TMX4: variants seen among roughly 807,000 people sequenced by gnomAD.
The protein encoded by TMX4 is thioredoxin related transmembrane protein 4, also known as thioredoxin-related transmembrane protein 4.
A neutral mutation model predicts 33.3 loss-of-function variants in TMX4; 23 were observed. That is an observed-to-expected ratio of 0.69 (90% CI 0.50 to 0.98). The LOEUF (loss-of-function observed/expected upper bound fraction) is 0.98. Ranked by LOEUF, TMX4 falls within the 50% of genes least tolerant of loss-of-function variation. The pLI is 0.00. For missense variants in TMX4, 399 were observed against 448.9 expected, an observed-to-expected ratio of 0.89 and a Z score of 1.01; for synonymous variants, 164 against 161.5, an observed-to-expected ratio of 1.02 and a Z score of -0.12.
At position 7,987,402 on chromosome 20, in the gene TMX4, G is replaced by GA. The variant is rs776081385; in HGVS notation, c.514-14dup. The GA allele has an allele frequency of 9.0e-4, 1,396 of 1,544,686 alleles. No individual in the cohort carries two copies. The highest frequency in any genetic ancestry group is 9.3e-4 in the Non-Finnish European group (1,073 of 1,151,756). On this transcript the variant is annotated splice_polypyrimidine_tract_variant and intron_variant, in intron 5 of 7. Coordinates refer to ENST00000246024, the MANE Select transcript of TMX4 (RefSeq NM_021156.4). Reference sequence around the variant, plus strand: ...AGTTGTGAAGATGCTGGAATCAGAAGAAAAAAAATAAAACATTAATTTTTA... The same window carrying GA: ...AGTTGTGAAGATGCTGGAATCAGAAGAAAAAAAAATAAAACATTAATTTTTA...
chr20:8,003,585 G>A (rs1323476895), intron 2 of TMX4, among the ~76,000 whole-genome samples: 1 of 152,078 alleles, frequency 6.6e-6, no homozygotes, highest in Non-Finnish European at 1.5e-5. Flanking sequence ...TTTAGAAATT[G>A]CACCTCATTT....
At chr20:7,990,225 GC>G (rs1359506681) in intron 5 of TMX4, among the ~76,000 whole-genome samples, 1 of 151,862 alleles carries the variant, frequency 6.6e-6, no homozygotes, top group Non-Finnish European at 1.5e-5. Flanking sequence ...AACACGGTAG[GC>G]GGAGGTTGCA....
chr20:7,982,108 T>C lies in TMX4; in HGVS notation c.*143A>G. 2.4e-6 allele frequency: 2 copies of C among 816,846 alleles called. No homozygotes were observed. Among genetic ancestry groups the C allele is most frequent in the Non-Finnish European group, 3.7e-6 (2 of 533,532 alleles). The allele number at this position is 816,846 out of a possible 1,614,324, so 50.6% of individuals were successfully genotyped here. ...TCTCCTTAGTATACATGAGGCTTAC[T>C]GCCATGAGACCAAATGACTAGAGAG... On this transcript the variant is annotated 3_prime_UTR_variant, in exon 8 of 8. Transcript: ENST00000246024.
chr20:7,986,143 C>T (rs1396359694), intron 6 of TMX4, among the ~76,000 whole-genome samples: 2 of 152,082 alleles, frequency 1.3e-5, no homozygotes, highest in East Asian at 3.9e-4. Flanking sequence ...GTGTCAAATC[C>T]CTTTAGACGG....
intron 5 of TMX4, among the ~76,000 whole-genome samples, chr20:7,991,559 T>C (rs1384821742): frequency 2.0e-5 from 3 of 152,160 alleles, no homozygotes. Context: ...TTATGGAGCA[T>C]TTTGGATTTT....
intron 5 of TMX4, among the ~76,000 whole-genome samples, chr20:7,991,526 G>A (rs537048699): frequency 4.6e-5 from 7 of 152,232 alleles, no homozygotes; most frequent in East Asian, 1.9e-4. Flanking sequence ...TAAGTGTCAC[G>A]TTGGTGCTCA....
At chr20:7,983,758 A>G (rs779007214) in intron 7 of TMX4, 36 bp downstream of exon 7, 2 of 1,596,328 alleles carry the variant, frequency 1.3e-6, no homozygotes, top group Non-Finnish European at 1.7e-6. Flanking sequence ...CAGAATTCCA[A>G]AAACACTCTA....
chr20:7,986,311 T>C (rs1247696834), intron 6 of TMX4, among the ~76,000 whole-genome samples: 1 of 152,210 alleles, frequency 6.6e-6, no homozygotes, highest in East Asian at 1.9e-4. Flanking sequence ...CCATGATATG[T>C]ATTAAGCATG....
At chr20:7,990,021 G>A (rs979483139) in intron 5 of TMX4, among the ~76,000 whole-genome samples, 1 of 152,112 alleles carries the variant, frequency 6.6e-6, no homozygotes, top group African/African-American at 2.4e-5. Context: ...CTCGGGCTGG[G>A]CGCGGTGGCT....
Position 7,981,574 on chromosome 20 carries a change from G to A in TMX4, c.*677C>T, listed in dbSNP as rs930364041. The A allele has an allele frequency of 6.6e-6, 1 of 152,194 alleles. No individual in the cohort carries two copies. Among genetic ancestry groups the A allele is most frequent in the African/African-American group, 2.4e-5 (1 of 41,444 alleles). 9.4% of individuals were successfully genotyped at this position (152,194 alleles called of 1,614,324 possible). A position where few individuals can be genotyped will look rare whatever the true frequency, so the allele number is the denominator to read the frequency against. On this transcript the variant is annotated 3_prime_UTR_variant, in exon 8 of 8. Transcript: ENST00000246024. ...CCTTAGGTCAGAATGAACAAACACA[G>A]TTCATGTAAACCTGGCTGTTATTGG...
intron 4 of TMX4, among the ~76,000 whole-genome samples, chr20:7,998,070 G>A (rs545627112): frequency 1.3e-5 from 2 of 152,024 alleles, no homozygotes; most frequent in Non-Finnish European, 2.9e-5. Context: ...GTTTCCTGAA[G>A]CCTCCCCAGA....
At chr20:7,984,310 GC>G (rs775555541) in intron 6 of TMX4, among the ~76,000 whole-genome samples, 20 of 152,176 alleles carry the variant, frequency 1.3e-4, no homozygotes, top group Non-Finnish European at 2.4e-4. Flanking sequence ...GGCATTTAAT[GC>G]CCTGGGCAGT....
chr20:7,991,732 A>AT (rs970628954), intron 5 of TMX4, among the ~76,000 whole-genome samples: 1 of 152,194 alleles, frequency 6.6e-6, no homozygotes, highest in African/African-American at 2.4e-5. Flanking sequence ...GACAATAATG[A>AT]TTAATACATA....
chr20:7,984,963 C>T (rs2050624397), intron 6 of TMX4, among the ~76,000 whole-genome samples: 2 of 151,994 alleles, frequency 1.3e-5, no homozygotes, highest in African/African-American at 4.8e-5. Context: ...ATTCCTTTAC[C>T]CTGGCATGCT....
chr20:8,014,671 C>T (rs574368751), intron 1 of TMX4, among the ~76,000 whole-genome samples: 4 of 152,272 alleles, frequency 2.6e-5, no homozygotes, highest in East Asian at 1.9e-4. Flanking sequence ...TTTCCTGGGG[C>T]ATTGCGATGA....
intron 4 of TMX4, among the ~76,000 whole-genome samples, chr20:7,998,175 A>G (rs185649088): frequency 2.1e-4 from 32 of 152,236 alleles, no homozygotes; most frequent in Admixed American, 2.0e-3. Context: ...AGTCTCAAGT[A>G]TTCCTTTATA....
In TMX4 at chr20:7,990,803, A is replaced by G. The variant is rs1034501763; in HGVS notation, c.514-3414T>C. Among the ~76,000 whole-genome samples the G allele has an allele frequency of 2.0e-5, 3 of 152,340 alleles. No individual in the cohort carries two copies. The East Asian group carries it at 5.8e-4, about 29-fold the overall frequency. Reference sequence around the variant, plus strand: ...TCCCCAAAATATCTTCCCTGCAAGGAAACAGCTAGAAAAGACTCTTCAATG... The same window carrying G: ...TCCCCAAAATATCTTCCCTGCAAGGGAACAGCTAGAAAAGACTCTTCAATG... On this transcript the variant is annotated intron_variant, in intron 5 of 7. Coordinates refer to ENST00000246024, the MANE Select transcript of TMX4 (RefSeq NM_021156.4).
Position 7,999,759 on chromosome 20 carries a change from G to C in TMX4, c.440C>G (p.Thr147Ser). The C allele has an allele frequency of 6.2e-7, 1 of 1,612,812 alleles. No homozygotes were observed. The highest frequency in any genetic ancestry group is 8.5e-7 in the Non-Finnish European group (1 of 1,179,600). The change falls in exon 4 of 8, where the codon ACT (threonine) becomes AGT (serine). Residue 147 changes from threonine (T) to serine (S), a missense_variant. By Grantham distance (58) the Thr-to-Ser change is moderately conservative (BLOSUM62 1). Coordinates refer to ENST00000246024, the MANE Select transcript of TMX4 (RefSeq NM_021156.4). ...EKKWQSVEPL[T>S]GWKSPASLTM... ...TAGAGAAGCCGGGGATTTCCAGCCA[G>C]TCAGAGGCTCGACTGATTGCCATTT...
rs571799221 is a variant in TMX4, at chr20:7,987,495, C to T, written c.514-106G>A. 1.6e-5 allele frequency: 11 copies of T among 668,272 alleles called. No individual in the cohort carries two copies. The South Asian group carries it at 1.8e-4, about 11-fold the overall frequency. 41.4% of individuals were successfully genotyped at this position (668,272 alleles called of 1,614,324 possible). Reference sequence around the variant, plus strand: ...TCTACATACATAGGTTCCCACAAAGCTTTATGTATCTAAATGATTCTTAAA... The same window carrying T: ...TCTACATACATAGGTTCCCACAAAGTTTTATGTATCTAAATGATTCTTAAA... On this transcript the variant is annotated intron_variant, in intron 5 of 7. Coordinates refer to ENST00000246024, the MANE Select transcript of TMX4 (RefSeq NM_021156.4).
Sources: gnomAD v4.1 joint callset for allele counts (sites outside exome capture counted in the v4.1 genomes callset) on GRCh38, gnomAD v4.1.1 for gene constraint, MANE v1.5 for transcripts, NCBI Gene and HGNC (gene_info 2026-07-23, HGNC 2026-07-21) for gene names.